Variants in HMMR observed in about 807,000 individuals in gnomAD.
HMMR encodes hyaluronan mediated motility receptor.
In HMMR, 108 loss-of-function variants were observed where a neutral mutation model predicts 101.0. The ratio of observed to expected loss-of-function variants is 1.07; its 90% CI spans 0.92 to 1.25. The LOEUF (loss-of-function observed/expected upper bound fraction) is 1.25, where lower values mean the gene tolerates loss of function less well. HMMR is among the 50% of genes most tolerant of loss of function. The pLI is 0.00. For synonymous variants in HMMR, 296 were observed against 276.4 expected (o/e 1.07, Z -0.70); for missense variants, 813 against 788.7 (o/e 1.03, Z -0.37).
intron 2 of HMMR, among the ~76,000 whole-genome samples, chr5:163,464,345 G>T (rs1758631774): frequency 6.6e-6 from 1 of 152,198 alleles, no homozygotes. Flanking sequence ...GCCGGGCAAG[G>T]TGGCTCGTGC....
At chr5:163,463,986 G>A (rs752952599) in intron 2 of HMMR, 32 bp downstream of exon 2, 11 of 712,496 alleles carry the variant, frequency 1.5e-5, no homozygotes, top group Non-Finnish European at 2.0e-5. Flanking sequence ...CAATGGTTAT[G>A]TGATCTTATA....
At position 163,471,184 on chromosome 5, in the gene HMMR, G is replaced by A; in HGVS notation, c.463-1G>A. On this transcript the variant is annotated splice_acceptor_variant, in intron 5 of 17. Transcript: ENST00000393915. LOFTEE classifies it high-confidence loss of function. Reference sequence around the variant, plus strand: ...ATTTTTTACGTGTTTGTTGTATTTAGTTTTCTGAAAATGGTAACCAGAAGA... The same window carrying A: ...ATTTTTTACGTGTTTGTTGTATTTAATTTTCTGAAAATGGTAACCAGAAGA... 6.3e-7 allele frequency: 1 copy of A among 1,580,976 alleles called. No homozygotes were observed. The highest frequency in any genetic ancestry group is 8.7e-7 in the Non-Finnish European group (1 of 1,150,568).
At chr5:163,460,856 A>G (rs1005234844) in intron 1 of HMMR, 118 bp downstream of exon 1, 5 of 831,536 alleles carry the variant, frequency 6.0e-6, no homozygotes, top group Non-Finnish European at 1.0e-5. Context: ...GGGCTCATTC[A>G]GTTGATTGAT....
chr5:163,483,509 G>T, intron 15 of HMMR, 142 bp downstream of exon 15: 1 of 458,358 alleles, frequency 2.2e-6, no homozygotes, highest in Non-Finnish European at 4.0e-6. Context: ...ACTATTAAAG[G>T]TTTATACATT....
intron 3 of HMMR, among the ~76,000 whole-genome samples, chr5:163,466,640 A>C (rs1462588783): frequency 6.6e-6 from 1 of 152,196 alleles, no homozygotes; most frequent in Non-Finnish European, 1.5e-5. Context: ...TCTGATGAAA[A>C]TTTAGCATTG....
intron 8 of HMMR, 25 bp downstream of exon 8, chr5:163,473,278 T>C (rs1222078056): frequency 1.3e-6 from 2 of 1,499,146 alleles, no homozygotes; most frequent in South Asian, 2.3e-5. Flanking sequence ...AGCTTTAAAT[T>C]GAACCTTATT....
At chr5:163,471,140 T>C in intron 5 of HMMR, 45 bp from the exon 6 acceptor site, 1 of 1,195,066 alleles carries the variant, frequency 8.4e-7, no homozygotes, top group Non-Finnish European at 1.2e-6. Context: ...AAATATGTCT[T>C]AGCAGAAAAT....
intron 10 of HMMR, 100 bp downstream of exon 10, chr5:163,474,305 A>T: frequency 1.1e-6 from 1 of 871,118 alleles, no homozygotes; most frequent in African/African-American, 1.7e-5. Context: ...TGATCTACCA[A>T]TTCTATCTTT....
chr5:163,471,250 C>T lies in HMMR; in HGVS notation c.528C>T (p.Asn176=). The T allele has an allele frequency of 1.2e-6, 2 of 1,612,960 alleles. No homozygotes were observed. The highest frequency in any genetic ancestry group is 1.7e-6 in the Non-Finnish European group (2 of 1,179,072). Residue 176 remains asparagine, a synonymous_variant, in exon 6 of 18, where the codon AAC becomes AAT. Transcript: ENST00000393915. ...GCTTGGAGTTGATGAAACTTAGAAA[C>T]AAAAGAGAAACAAAGATGAGGGTGA... ...ILSLELMKLR[N]KRETKMRGMM...
At chr5:163,481,131 A>G (rs1001057358) in intron 12 of HMMR, among the ~76,000 whole-genome samples, 1 of 151,940 alleles carries the variant, frequency 6.6e-6, no homozygotes, top group Non-Finnish European at 1.5e-5. Context: ...TTCCCTATGG[A>G]CAACCAACTG....
chr5:163,481,096 A>G (rs1431918372), intron 12 of HMMR, among the ~76,000 whole-genome samples: 1 of 152,050 alleles, frequency 6.6e-6, no homozygotes, highest in Non-Finnish European at 1.5e-5. Flanking sequence ...GTGTAGCAAT[A>G]TAGGGATCAA....
At position 163,471,230 on chromosome 5, in the gene HMMR, G is replaced by A. The variant is rs1191135455; in HGVS notation, c.508G>A (p.Glu170Lys). The stretch of plus-strand genomic sequence containing the variant: ...GAAGAATTTGAGAATTCTAAGCTTG[G>A]AGTTGATGAAACTTAGAAACAAAAG... ...NQKNLRILSL[E>K]LMKLRNKRET... Residue 170 changes from glutamate to lysine, a missense_variant, in exon 6 of 18, where the codon GAG becomes AAG. By Grantham distance (56) the Glu-to-Lys change is moderately conservative. Transcript: ENST00000393915. The A allele has an allele frequency of 6.2e-7, 1 of 1,613,090 alleles. No individual in the cohort carries two copies.
In HMMR at chr5:163,460,698, C is replaced by T. The variant is rs538045195; in HGVS notation, c.6C>T (p.Ser2=). ...TTCTGGAGCTGGCCGTCAACATGTCCTTTCCTAAGGCGCCCTTGAAACGAT... is the reference window on the plus strand; with the variant it reads ...TTCTGGAGCTGGCCGTCAACATGTCTTTTCCTAAGGCGCCCTTGAAACGAT... M[S]FPKAPLKRFN... is the part of the protein sequence containing the mutation. The change falls in exon 1 of 18, where the codon TCC becomes TCT. Residue 2 remains serine (S), a synonymous_variant. Coordinates refer to ENST00000393915, the MANE Select transcript of HMMR (RefSeq NM_001142556.2). 1 of 1,606,854 alleles carries T rather than the reference C, an allele frequency of 6.2e-7. No individual in the cohort carries two copies. The highest frequency in any genetic ancestry group is 8.5e-7 in the Non-Finnish European group (1 of 1,176,542).
intron 1 of HMMR, among the ~76,000 whole-genome samples, 177 bp from the exon 2 acceptor site, chr5:163,463,679 T>G (rs963126012): frequency 1.3e-5 from 2 of 152,234 alleles, no homozygotes; most frequent in Non-Finnish European, 2.9e-5. Flanking sequence ...GGCAAGATGA[T>G]ATTGTTCTTC....
rs1758644797 is a variant in HMMR, at chr5:163,464,720, C to T, written c.146-3C>T. 1.9e-6 allele frequency: 3 copies of T among 1,599,168 alleles called. No individual in the cohort carries two copies. The highest frequency in any genetic ancestry group is 1.3e-5 in the African/African-American group (1 of 74,644). The stretch of plus-strand genomic sequence containing the variant: ...ATGATCTGTACAATTCATTTTTCCG[C>T]AGAATCTAAACAAAATCTTAATGTT... On this transcript the variant is annotated splice_region_variant and splice_polypyrimidine_tract_variant and intron_variant, in intron 2 of 17. Transcript: ENST00000393915.
intron 3 of HMMR, among the ~76,000 whole-genome samples, chr5:163,466,036 G>A (rs1270833843): frequency 1.3e-5 from 2 of 151,620 alleles, no homozygotes; most frequent in Non-Finnish European, 2.9e-5. Context: ...GGCTGAAGCA[G>A]GTGGATTGCT....
In HMMR at chr5:163,484,084, T is replaced by C. The variant is rs765218661; in HGVS notation, c.1801T>C (p.Phe601Leu). The change falls in exon 16 of 18, where the codon TTT becomes CTT. Residue 601 changes from phenylalanine to leucine, a missense_variant. Coordinates refer to ENST00000393915, the MANE Select transcript of HMMR (RefSeq NM_001142556.2). The part of the protein sequence containing the change: ...TKPFQLQLDA[F>L]EVEKQALLNE... ...TCTTTTTCAGCTACAACTAGATGCT[T>C]TTGAAGTAGAAAAACAGGCATTGTT... is the stretch of plus-strand genomic sequence containing the variant. 6.3e-7 allele frequency: 1 copy of C among 1,593,506 alleles called. No homozygotes were observed. Among genetic ancestry groups the C allele is most frequent in the East Asian group, 2.3e-5 (1 of 44,238 alleles).
intron 16 of HMMR, among the ~76,000 whole-genome samples, chr5:163,487,089 T>C (rs1759503970): frequency 6.6e-6 from 1 of 152,222 alleles, no homozygotes; most frequent in African/African-American, 2.4e-5. Flanking sequence ...CGATTTGTCA[T>C]AGATGCTCTT....
chr5:163,477,729 T>A (rs1365942437), intron 11 of HMMR, among the ~76,000 whole-genome samples: 1 of 152,200 alleles, frequency 6.6e-6, no homozygotes, highest in Non-Finnish European at 1.5e-5. Context: ...TTAGTTTCTT[T>A]GATCTTCTAC....
Sources: gnomAD v4.1 joint callset for allele counts (sites outside exome capture counted in the v4.1 genomes callset) on GRCh38, gnomAD v4.1.1 for gene constraint, MANE v1.5 for transcripts, NCBI Gene and HGNC (gene_info 2026-07-23, HGNC 2026-07-21) for gene names.